MGST1: variants seen among roughly 807,000 people sequenced by gnomAD.
The protein encoded by MGST1 is glutathione S-transferase 12.
Under a neutral mutation model 8.9 loss-of-function variants are expected in MGST1, and 5 were observed. That is an observed-to-expected ratio of 0.56 (90% CI 0.29 to 1.19). The LOEUF is 1.19. Ranked by LOEUF, MGST1 falls within the 50% of genes most tolerant of loss-of-function variation. MGST1 has a pLI of 0.08. For synonymous variants in MGST1, 54 were observed against 67.8 expected (o/e 0.80, Z 1.00); for missense variants, 182 against 187.4 (o/e 0.97, Z 0.17).
At chr12:16,525,483 T>G (rs1247057238) in intron 4 of MGST1, among the ~76,000 whole-genome samples, 1 of 151,176 alleles carries the variant, frequency 6.6e-6, no homozygotes, top group Non-Finnish European at 1.5e-5. Context: ...TCATCATTTT[T>G]TATGGCTGCA....
chr12:16,420,541 T>C (rs1940826255), intron 1 of MGST1, among the ~76,000 whole-genome samples: 1 of 152,168 alleles, frequency 6.6e-6, no homozygotes, highest in Non-Finnish European at 1.5e-5. Context: ...GATCAACACC[T>C]GTGATGGAGT....
At chr12:16,355,124 AG>A (rs1378879791) in intron 2 of MGST1, among the ~76,000 whole-genome samples, 1 of 151,620 alleles carries the variant, frequency 6.6e-6, no homozygotes, top group East Asian at 1.9e-4. Flanking sequence ...TTTCTCTCTT[AG>A]GACCTGTCCT....
At chr12:16,540,801 T>C (rs1362357642) in intron 4 of MGST1, among the ~76,000 whole-genome samples, 1 of 152,126 alleles carries the variant, frequency 6.6e-6, no homozygotes, top group Non-Finnish European at 1.5e-5. Flanking sequence ...CATGCTGGCA[T>C]GCACCTGTAA....
chr12:16,353,757 CTTTT>C (rs11387725), intron 1 of MGST1, among the ~76,000 whole-genome samples: 1 of 111,492 alleles, frequency 9.0e-6, no homozygotes. Flanking sequence ...ATATTGCATA[CTTTT>C]TTTTTTTTTT....
chr12:16,407,947 G>C (rs538801092), intron 1 of MGST1, among the ~76,000 whole-genome samples: 1 of 146,638 alleles, frequency 6.8e-6, no homozygotes, highest in East Asian at 2.1e-4. Context: ...CAGGAGAATT[G>C]CTTGAACTCG....
intron 4 of MGST1, among the ~76,000 whole-genome samples, chr12:16,521,128 A>G (rs10772943): frequency 0.48 from 72,283 of 151,804 alleles, 17,822 homozygotes; most frequent in Admixed American, 0.58. Context: ...GTTATGGGCC[A>G]CCTACTTCAG....
chr12:16,559,025 T>G lies in MGST1; in HGVS notation n.483-30503T>G, dbSNP rs1025010982. ...GCTGAAATTTGAATCCCGTTCTCACTAGAAATGTCACATTCTTTCTACTAT... is the reference window on the plus strand; with the variant it reads ...GCTGAAATTTGAATCCCGTTCTCACGAGAAATGTCACATTCTTTCTACTAT... On this transcript the variant is annotated intron_variant and non_coding_transcript_variant, in intron 4 of 4. Transcript: ENST00000538857. The surrounding 1 kb of genome is among the most constrained non-coding windows in gnomAD (Gnocchi z 4.1). Among the ~76,000 whole-genome samples the G allele has an allele frequency of 1.3e-5, 2 of 152,170 alleles. No individual in the cohort carries two copies. Among genetic ancestry groups the G allele is most frequent in the Admixed American group, 1.3e-4 (2 of 15,280 alleles).
At chr12:16,532,041 T>C (rs533298925) in intron 4 of MGST1, among the ~76,000 whole-genome samples, 1 of 152,202 alleles carries the variant, frequency 6.6e-6, no homozygotes, top group East Asian at 1.9e-4. Flanking sequence ...GCTTCCCAAA[T>C]TCAAAACCAG....
chr12:16,394,420 CTCTT>C (rs1940581887), intron 1 of MGST1, among the ~76,000 whole-genome samples: 2 of 150,452 alleles, frequency 1.3e-5, no homozygotes, highest in Non-Finnish European at 1.5e-5. Context: ...CTTTCTCACT[CTCTT>C]CCTCCCTCCC....
intron 4 of MGST1, among the ~76,000 whole-genome samples, chr12:16,514,696 C>A (rs561221555): frequency 6.6e-6 from 1 of 151,648 alleles, no homozygotes; most frequent in South Asian, 2.2e-4. Flanking sequence ...GAACCAGAGA[C>A]AACCTTTCTG....
At chr12:16,405,279 C>A (rs1356841715) in intron 1 of MGST1, among the ~76,000 whole-genome samples, 1 of 151,836 alleles carries the variant, frequency 6.6e-6, no homozygotes, top group Non-Finnish European at 1.5e-5. Flanking sequence ...TAGGATAAAC[C>A]TCTATGCACC....
At chr12:16,536,826 G>T in intron 4 of MGST1, among the ~76,000 whole-genome samples, 1 of 152,144 alleles carries the variant, frequency 6.6e-6, no homozygotes, top group African/African-American at 2.4e-5. Context: ...ATCTCCTACT[G>T]GGTCCCTCCC....
chr12:16,525,555 T>A (rs2137194614), intron 4 of MGST1, among the ~76,000 whole-genome samples: 1 of 145,324 alleles, frequency 6.9e-6, no homozygotes, highest in Admixed American at 6.9e-5. Flanking sequence ...GTTGGACATT[T>A]GGGTTGGTTC....
exon 2 of MGST1, chr12:16,438,392 T>C (rs1375471576): frequency 6.6e-6 from 1 of 151,900 alleles, no homozygotes; most frequent in African/African-American, 2.4e-5. Context: ...CCAACTAGAC[T>C]CTATGGTGAT....
chr12:16,419,745 C>G (rs918107628), intron 1 of MGST1, among the ~76,000 whole-genome samples: 6 of 152,118 alleles, frequency 3.9e-5, no homozygotes, highest in African/African-American at 2.4e-5. Context: ...GGTTATATAT[C>G]TCAGCCTGAA....
chr12:16,396,925 A>G (rs1445894727), intron 1 of MGST1, among the ~76,000 whole-genome samples: 2 of 152,136 alleles, frequency 1.3e-5, no homozygotes, highest in Admixed American at 6.6e-5. Context: ...TCACAGAACT[A>G]GAAAAAAAAT....
At chr12:16,568,365 C>A (rs1010695494) in intron 4 of MGST1, among the ~76,000 whole-genome samples, 5 of 152,184 alleles carry the variant, frequency 3.3e-5, no homozygotes, top group African/African-American at 1.2e-4. Flanking sequence ...AAGCAATACC[C>A]TCCATACTCT....
At chr12:16,520,708 A>C (rs1189697725) in intron 4 of MGST1, among the ~76,000 whole-genome samples, 1 of 152,160 alleles carries the variant, frequency 6.6e-6, no homozygotes, top group African/African-American at 2.4e-5. Flanking sequence ...ACCTCCAGCA[A>C]ATCTTAAAAT....
chr12:16,363,438 T>C lies in MGST1; in HGVS notation c.222-357T>C, dbSNP rs1171444655. The stretch of plus-strand genomic sequence containing the variant: ...CTTCCTTCGGGAGAAAGAATTTTTA[T>C]AAAAAGAATCTTGAATTGCTAATTG... On this transcript the variant is annotated intron_variant, in intron 3 of 3. Coordinates refer to ENST00000396210, the MANE Select transcript of MGST1 (RefSeq NM_020300.5). This position sits in a 1 kb window ranked among gnomAD's most constrained non-coding sequence, Gnocchi z 4.6. The C allele has an allele frequency of 6.5e-6, 1 of 153,548 alleles. No individual in the cohort carries two copies. 9.5% of individuals were successfully genotyped at this position (153,548 alleles called of 1,614,324 possible).
Sources: allele counts gnomAD v4.1 joint callset (sites outside exome capture counted in the v4.1 genomes callset), GRCh38; gene constraint gnomAD v4.1.1; non-coding constraint Gnocchi (gnomAD v3.1); transcripts MANE v1.5; gene names NCBI Gene and HGNC (gene_info 2026-07-23, HGNC 2026-07-21).